Variants in ITGA2 observed in about 807,000 individuals in gnomAD.
ITGA2 encodes integrin alpha-2.
Under a neutral mutation model 146.3 loss-of-function variants are expected in ITGA2, and 101 were observed. That is an observed-to-expected ratio of 0.69 (90% CI 0.59 to 0.81). The LOEUF (loss-of-function observed/expected upper bound fraction) is 0.81, where lower values mean the gene tolerates loss of function less well. ITGA2 is among the 40% of genes least tolerant of loss of function. ITGA2 has a pLI of 0.00. For synonymous variants in ITGA2, 477 were observed against 487.1 expected (o/e 0.98, Z 0.27); for missense variants, 1,281 against 1,402.7 (o/e 0.91, Z 1.39).
chr5:53,007,596 T>C (rs185400879), intron 1 of ITGA2, among the ~76,000 whole-genome samples: 1 of 152,114 alleles, frequency 6.6e-6, no homozygotes, highest in East Asian at 1.9e-4. Flanking sequence ...CTTCATGAGA[T>C]GGTATTTCTA....
intron 3 of ITGA2, among the ~76,000 whole-genome samples, chr5:53,043,366 A>G (rs1743897260): frequency 6.6e-6 from 1 of 152,160 alleles, no homozygotes; most frequent in African/African-American, 2.4e-5. Context: ...TTTTAAAGCT[A>G]TATACATGTA....
intron 1 of ITGA2, among the ~76,000 whole-genome samples, chr5:53,013,697 G>T (rs763856540): frequency 2.0e-5 from 3 of 152,118 alleles, no homozygotes; most frequent in Non-Finnish European, 4.4e-5. Flanking sequence ...GGATTGGGAA[G>T]TATGGCCATT....
At position 53,081,722 on chromosome 5, in the gene ITGA2, C is replaced by G. The variant is rs370569891; in HGVS notation, c.3144+26C>G. On this transcript the variant is annotated intron_variant, in intron 26 of 29. Transcript: ENST00000296585. ...GTGAGGACAAGTTAACGTGTGAAAGCTCCCCTCATTCATTTATTTCACCTG... is the reference window on the plus strand; with the variant it reads ...GTGAGGACAAGTTAACGTGTGAAAGGTCCCCTCATTCATTTATTTCACCTG... 4.1e-6 allele frequency: 6 copies of G among 1,452,298 alleles called. No homozygotes were observed. The African/African-American group carries it at 7.0e-5, about 17-fold the overall frequency. The allele number at this position is 1,452,298 out of a possible 1,614,324, so 90.0% of individuals were successfully genotyped here.
Position 53,090,525 on chromosome 5 carries a change from T to C in ITGA2, c.3472T>C (p.Phe1158Leu), listed in dbSNP as rs1405834560. ...ALVAILWKLG[F>L]FKRKYEKMTK... ...TATATCATCACCTTTACAGCTCGGC[T>C]TCTTCAAAAGAAAATATGAAAAGAT... is the stretch of plus-strand genomic sequence containing the variant. Residue 1158 changes from phenylalanine to leucine, a missense_variant, in exon 30 of 30, where the codon TTC (phenylalanine) becomes CTC (leucine). Transcript: ENST00000296585. 1.9e-6 allele frequency: 3 copies of C among 1,613,780 alleles called. No individual in the cohort carries two copies. Among genetic ancestry groups the C allele is most frequent in the Non-Finnish European group, 1.7e-6 (2 of 1,179,844 alleles).
chr5:52,989,745 C>A (rs1740828127), intron 1 of ITGA2, among the ~76,000 whole-genome samples: 1 of 152,038 alleles, frequency 6.6e-6, no homozygotes, highest in Non-Finnish European at 1.5e-5. Flanking sequence ...CCATTAGGCG[C>A]GTCTCGCCCT....
intron 2 of ITGA2, among the ~76,000 whole-genome samples, chr5:53,040,165 C>G (rs1001717110): frequency 6.6e-6 from 1 of 152,076 alleles, no homozygotes; most frequent in Non-Finnish European, 1.5e-5. Context: ...AACAGAGACT[C>G]TAATTTGAAG....
chr5:53,005,747 G>T (rs1741816875), intron 1 of ITGA2, among the ~76,000 whole-genome samples: 1 of 152,044 alleles, frequency 6.6e-6, no homozygotes, highest in Non-Finnish European at 1.5e-5. Context: ...AGTTTTATAT[G>T]CATTGTCTGA....
At chr5:52,994,877 G>A (rs142295943) in intron 1 of ITGA2, among the ~76,000 whole-genome samples, 118 of 152,236 alleles carry the variant, frequency 7.8e-4, no homozygotes, top group African/African-American at 2.7e-3. Flanking sequence ...AGATATCATT[G>A]TGATACATTG....
intron 1 of ITGA2, among the ~76,000 whole-genome samples, chr5:53,019,824 C>A (rs1054573722): frequency 9.2e-5 from 14 of 152,238 alleles, no homozygotes; most frequent in East Asian, 1.9e-4. Flanking sequence ...CCATGCCTGG[C>A]CAAGTCATCC....
intron 1 of ITGA2, among the ~76,000 whole-genome samples, chr5:53,024,312 A>C (rs1185059522): frequency 6.6e-6 from 1 of 152,232 alleles, no homozygotes; most frequent in Non-Finnish European, 1.5e-5. Flanking sequence ...AAATAGAGGA[A>C]AAATACTGGA....
At chr5:53,033,955 A>G (rs1194963792) in intron 2 of ITGA2, among the ~76,000 whole-genome samples, 1 of 151,940 alleles carries the variant, frequency 6.6e-6, no homozygotes, top group African/African-American at 2.4e-5. Context: ...AGTAGACACG[A>G]GGTTTCACCG....
At chr5:53,086,850 G>T in intron 27 of ITGA2, 102 bp from the exon 28 acceptor site, 1 of 955,126 alleles carries the variant, frequency 1.0e-6, no homozygotes, top group Non-Finnish European at 1.6e-6. Context: ...ATTTGCTCTT[G>T]TCACATTCCA....
Position 53,086,022 on chromosome 5 carries a change from C to T in ITGA2, c.3259-930C>T, listed in dbSNP as rs1020564755. Reference sequence around the variant, plus strand: ...CTCCTGGGTTCAAGTGATTCTCCTGCCTCAGCCGAGTCGCTGGGATTACAG... The same window carrying T: ...CTCCTGGGTTCAAGTGATTCTCCTGTCTCAGCCGAGTCGCTGGGATTACAG... On this transcript the variant is annotated intron_variant, in intron 27 of 29. Coordinates refer to ENST00000296585, the MANE Select transcript of ITGA2 (RefSeq NM_002203.4). 2.0e-5 allele frequency among the ~76,000 whole-genome samples: 3 copies of T among 152,224 alleles called. No homozygotes were observed. In the South Asian group the frequency reaches 6.2e-4, roughly 32 times the overall value.
Position 53,092,361 on chromosome 5 carries a change from A to C in ITGA2, c.*1762A>C, listed in dbSNP as rs917500340. On this transcript the variant is annotated 3_prime_UTR_variant, in exon 30 of 30. Coordinates refer to ENST00000296585, the MANE Select transcript of ITGA2 (RefSeq NM_002203.4). ...TCCTCCAAGAATTTGACTTGGAAAAAAATGTCAAAGGAAAACAGGTTATCT... is the reference window on the plus strand; with the variant it reads ...TCCTCCAAGAATTTGACTTGGAAAACAATGTCAAAGGAAAACAGGTTATCT... 2 of 152,176 alleles carry C rather than the reference A, an allele frequency of 1.3e-5. No individual in the cohort carries two copies. Among genetic ancestry groups the C allele is most frequent in the African/African-American group, 2.4e-5 (1 of 41,442 alleles). 9.4% of individuals were successfully genotyped at this position (152,176 alleles called of 1,614,324 possible).
intron 4 of ITGA2, among the ~76,000 whole-genome samples, chr5:53,047,517 G>A (rs1561120389): frequency 1.3e-5 from 2 of 152,142 alleles, no homozygotes; most frequent in African/African-American, 2.4e-5. Flanking sequence ...GCAGTTAATT[G>A]GGAAGTGGCC....
At chr5:53,055,897 A>T in intron 8 of ITGA2, 87 bp from the exon 9 acceptor site, 3 of 1,360,772 alleles carry the variant, frequency 2.2e-6, no homozygotes, top group Non-Finnish European at 2.1e-6. Context: ...TTCCAGAGGG[A>T]ATATTGTGTT....
At chr5:53,087,678 G>T (rs918234939) in intron 28 of ITGA2, among the ~76,000 whole-genome samples, 1 of 150,820 alleles carries the variant, frequency 6.6e-6, no homozygotes, top group Non-Finnish European at 1.5e-5. Flanking sequence ...GAAAACAAAG[G>T]CTCTCTGTTC....
chr5:53,076,645 TAC>T (rs1349719120), intron 23 of ITGA2, among the ~76,000 whole-genome samples: 1 of 152,070 alleles, frequency 6.6e-6, no homozygotes, highest in Non-Finnish European at 1.5e-5. Flanking sequence ...TTTTTGTCAA[TAC>T]AGTCTTTTTA....
intron 28 of ITGA2, among the ~76,000 whole-genome samples, chr5:53,088,685 C>CAAAAAAAAAAAAA (rs5867861): frequency 9.4e-6 from 1 of 105,918 alleles, no homozygotes; most frequent in Non-Finnish European, 1.8e-5. Context: ...GACTCTGTCT[C>CAAAAAAAAAAAAA]AAAAAAAAAA....
Sources: gnomAD v4.1 joint callset for allele counts (sites outside exome capture counted in the v4.1 genomes callset) on GRCh38, gnomAD v4.1.1 for gene constraint, MANE v1.5 for transcripts, NCBI Gene and HGNC (gene_info 2026-07-23, HGNC 2026-07-21) for gene names.